FOLR2: variants seen among roughly 807,000 people sequenced by gnomAD.
FOLR2 encodes folate receptor beta.
In FOLR2, 14 loss-of-function variants were observed where a neutral mutation model predicts 20.4. The observed-to-expected ratio is 0.68, with a 90% CI of 0.45 to 1.07. The LOEUF (loss-of-function observed/expected upper bound fraction) is 1.07, where lower values mean the gene tolerates loss of function less well. Ranked by LOEUF, FOLR2 falls within the 50% of genes least tolerant of loss-of-function variation. The pLI, the probability that FOLR2 is intolerant of heterozygous loss-of-function variation, is 0.00. For missense variants in FOLR2, 269 were observed against 322.6 expected (o/e 0.83, Z 1.27); for synonymous variants, 114 against 114.3 (o/e 1.00, Z 0.02).
chr11:72,221,711 G>T lies in FOLR2; in HGVS notation c.717G>T (p.Gly239=), dbSNP rs1948499410. The T allele has an allele frequency of 6.2e-7, 1 of 1,614,022 alleles. No homozygotes were observed. The highest frequency in any genetic ancestry group is 1.3e-5 in the African/African-American group (1 of 75,034). ...VNAGEMLHGT[G]GLLLSLALML... ...CTGGTGAGATGCTTCATGGGACTGG[G>T]GGTCTCCTGCTCAGTCTGGCCCTGA... is the stretch of plus-strand genomic sequence containing the variant. The change falls in exon 5 of 5, where the codon GGG becomes GGT. Residue 239 remains glycine, a synonymous_variant. Transcript: ENST00000298223.
rs1447826119 is a variant in FOLR2, at chr11:72,221,687, T to C, written c.693T>C (p.Ala231=). ...ATGCTGCAGCCATGCATGTGAATGC[T>C]GGTGAGATGCTTCATGGGACTGGGG... The part of the protein sequence containing the change: ...RFYAAAMHVN[A]GEMLHGTGGL... Residue 231 remains alanine, a synonymous_variant, in exon 5 of 5, where the codon GCT becomes GCC. Coordinates refer to ENST00000298223, the MANE Select transcript of FOLR2 (RefSeq NM_000803.5). 1.2e-6 allele frequency: 2 copies of C among 1,614,046 alleles called. No individual in the cohort carries two copies. The highest frequency in any genetic ancestry group is 2.7e-5 in the African/African-American group (2 of 74,916).
In FOLR2 at chr11:72,221,069, TC is replaced by T. The variant is rs773715246; in HGVS notation, c.339+18del. The T allele has an allele frequency of 1.1e-4, 79 of 725,898 alleles. No homozygotes were observed. Among genetic ancestry groups the T allele is most frequent in the Middle Eastern group, 5.8e-4 (2 of 3,436 alleles). The allele number at this position is 725,898 out of a possible 1,614,324, so 45.0% of individuals were successfully genotyped here. A position where few individuals can be genotyped will look rare whatever the true frequency, so the allele number is the denominator to read the frequency against. Reference sequence around the variant, plus strand: ...CCCTGGATCCAGCAGGTAGGGTGTCTCCCCCCCACCCACCCCAGCAGACTGC... The same window carrying T: ...CCCTGGATCCAGCAGGTAGGGTGTCTCCCCCCACCCACCCCAGCAGACTGC... On this transcript the variant is annotated intron_variant, in intron 3 of 4. Coordinates refer to ENST00000298223, the MANE Select transcript of FOLR2 (RefSeq NM_000803.5).
intron 4 of FOLR2, 35 bp downstream of exon 4, chr11:72,221,346 G>C (rs781738335): frequency 6.2e-7 from 1 of 1,607,656 alleles, no homozygotes; most frequent in Non-Finnish European, 8.5e-7. Flanking sequence ...GGAAAAAGGA[G>C]ATTGAGGTAG....
At chr11:72,220,091 C>A (rs1053359751) in intron 2 of FOLR2, among the ~76,000 whole-genome samples, 4 of 152,160 alleles carry the variant, frequency 2.6e-5, no homozygotes, top group African/African-American at 7.2e-5. Context: ...GGTAGACCTG[C>A]CTCGGCCTCC....
In FOLR2 at chr11:72,221,234, G is replaced by A. The variant is rs1306281348; in HGVS notation, c.398G>A (p.Cys133Tyr). 1 of 1,613,828 alleles carries A rather than the reference G, an allele frequency of 6.2e-7. No homozygotes were observed. The highest frequency in any genetic ancestry group is 8.5e-7 in the Non-Finnish European group (1 of 1,179,834). The stretch of plus-strand genomic sequence containing the variant: ...GATGTGCCCTTATGCAAAGAGGACT[G>A]TCAGCGCTGGTGGGAGGATTGTCAC... ...FLDVPLCKED[C>Y]QRWWEDCHTS... is the part of the protein sequence containing the mutation. The change falls in exon 4 of 5, where the codon TGT becomes TAT. Residue 133 changes from cysteine to tyrosine, a missense_variant. Physicochemically the swap from Cys to Tyr is radical, Grantham distance 194 (BLOSUM62 -2). Transcript: ENST00000298223.
intron 2 of FOLR2, among the ~76,000 whole-genome samples, 178 bp downstream of exon 2, chr11:72,218,912 C>T (rs887999722): frequency 2.0e-5 from 3 of 152,144 alleles, no homozygotes; most frequent in African/African-American, 4.8e-5. Flanking sequence ...GGGCCCTCCC[C>T]GGAGGTGGAT....
chr11:72,221,225 AAG>A lies in FOLR2; in HGVS notation c.392_393del (p.Glu131GlyfsTer30). 1 of 1,613,736 alleles carries A rather than the reference AAG, an allele frequency of 6.2e-7. No individual in the cohort carries two copies. Among genetic ancestry groups the A allele is most frequent in the South Asian group, 1.1e-5 (1 of 91,040 alleles). On this transcript the variant is annotated frameshift_variant, in exon 4 of 5. Transcript: ENST00000298223. LOFTEE classifies it high-confidence loss of function. ...CGCTTCCTGGATGTGCCCTTATGCA[AAG>A]AGGACTGTCAGCGCTGGTGGGAGGA...
intron 2 of FOLR2, among the ~76,000 whole-genome samples, chr11:72,220,460 G>C (rs1273078671): frequency 6.6e-6 from 1 of 152,006 alleles, no homozygotes; most frequent in Non-Finnish European, 1.5e-5. Context: ...TGTCTCCTCT[G>C]ACCAGAATGA....
At chr11:72,217,818 T>G (rs1203355169) in intron 1 of FOLR2, among the ~76,000 whole-genome samples, 1 of 152,136 alleles carries the variant, frequency 6.6e-6, no homozygotes, top group African/African-American at 2.4e-5. Context: ...ATATAGTCTT[T>G]TATTCCTCAC....
Position 72,221,069 on chromosome 11 carries a change from T to TGGGGGC in FOLR2, c.339+11_339+12insGGGGGC. 2.8e-6 allele frequency: 2 copies of TGGGGGC among 717,278 alleles called. No homozygotes were observed. The highest frequency in any genetic ancestry group is 4.4e-6 in the Non-Finnish European group (2 of 458,066). 44.4% of individuals were successfully genotyped at this position (717,278 alleles called of 1,614,324 possible). On this transcript the variant is annotated intron_variant, in intron 3 of 4. Coordinates refer to ENST00000298223, the MANE Select transcript of FOLR2 (RefSeq NM_000803.5). Reference sequence around the variant, plus strand: ...CCCTGGATCCAGCAGGTAGGGTGTCTCCCCCCCACCCACCCCAGCAGACTG... The same window carrying TGGGGGC: ...CCCTGGATCCAGCAGGTAGGGTGTCTGGGGGCCCCCCCCACCCACCCCAGCAGACTG...
chr11:72,217,465 G>A (rs1439221210), intron 1 of FOLR2: 1 of 1,060,468 alleles, frequency 9.4e-7, no homozygotes, highest in East Asian at 5.9e-5. Context: ...AGAGGGAGAG[G>A]AAGCAGTATC....
Position 72,218,648 on chromosome 11 carries a change from C to T in FOLR2, c.64C>T (p.Gln22Ter), listed in dbSNP as rs1948433076. ...CTGTGTAGCCACCATGTGCAGTGCC[C>T]AGGACAGGACTGATCTCCTCAATGT... ...LVCVATMCSAQDRTDLLNVCM... is the reference protein window; with the variant it reads ...LVCVATMCSA Residue 22 changes from glutamine to a stop codon, truncating the protein, a stop_gained, in exon 2 of 5, where the codon CAG becomes TAG. Transcript: ENST00000298223. LOFTEE classifies it high-confidence loss of function. The T allele has an allele frequency of 6.2e-7, 1 of 1,613,068 alleles. No individual in the cohort carries two copies. Among genetic ancestry groups the T allele is most frequent in the Non-Finnish European group, 8.5e-7 (1 of 1,179,542 alleles).
intron 2 of FOLR2, among the ~76,000 whole-genome samples, chr11:72,219,883 T>G (rs2135402423): frequency 6.6e-6 from 1 of 151,720 alleles, no homozygotes; most frequent in East Asian, 1.9e-4. Flanking sequence ...AGTCTCACTC[T>G]GTTGCCCAGG....
rs371396761 is a variant in FOLR2 at position 72,221,191 on chromosome 11, C to T, written c.355C>T (p.Arg119Cys). ...TCCCACCCAGGTGAATCAGAGCTGG[C>T]GCAAAGAACGCTTCCTGGATGTGCC... The part of the protein sequence containing the change: ...PWIQQVNQSW[R>C]KERFLDVPLC... The change falls in exon 4 of 5, where the codon CGC becomes TGC. Residue 119 changes from arginine (R) to cysteine (C), a missense_variant. Transcript: ENST00000298223. The T allele has an allele frequency of 3.9e-5, 63 of 1,612,238 alleles. No homozygotes were observed. The highest frequency in any genetic ancestry group is 5.0e-5 in the Admixed American group (3 of 59,704).
Position 72,221,002 on chromosome 11 carries a change from A to G in FOLR2, c.283A>G (p.Ile95Val). 4 of 1,613,916 alleles carry G rather than the reference A, an allele frequency of 2.5e-6. No homozygotes were observed. The highest frequency in any genetic ancestry group is 3.4e-6 in the Non-Finnish European group (4 of 1,179,872). The change falls in exon 3 of 5, where the codon ATC (isoleucine) becomes GTC (valine). Residue 95 changes from isoleucine (I) to valine (V), a missense_variant. Transcript: ENST00000298223. ...GGAGCCCGCCTGCAAGCGCCACTTCATCCAGGACACCTGTCTCTATGAGTG... is the reference window on the plus strand; with the variant it reads ...GGAGCCCGCCTGCAAGCGCCACTTCGTCCAGGACACCTGTCTCTATGAGTG... The part of the protein sequence containing the change: ...KMEPACKRHF[I>V]QDTCLYECSP...
Position 72,221,061 on chromosome 11 carries a change from A to G in FOLR2, c.339+3A>G, listed in dbSNP as rs780220815. On this transcript the variant is annotated splice_donor_region_variant and intron_variant, in intron 3 of 4. Transcript: ENST00000298223. ...ACCTGGGGCCCTGGATCCAGCAGGTAGGGTGTCTCCCCCCCACCCACCCCA... is the reference window on the plus strand; with the variant it reads ...ACCTGGGGCCCTGGATCCAGCAGGTGGGGTGTCTCCCCCCCACCCACCCCA... 3.4e-5 allele frequency: 55 copies of G among 1,605,452 alleles called. No homozygotes were observed. Among genetic ancestry groups the G allele is most frequent in the Middle Eastern group, 3.3e-4 (2 of 6,042 alleles).
chr11:72,219,669 T>G (rs1049121415), intron 2 of FOLR2, among the ~76,000 whole-genome samples: 7 of 152,198 alleles, frequency 4.6e-5, no homozygotes, highest in African/African-American at 9.7e-5. Context: ...GCAATGTTGC[T>G]GTTGATGTCA....
intron 2 of FOLR2, among the ~76,000 whole-genome samples, chr11:72,220,223 G>T (rs1269711476): frequency 1.3e-5 from 2 of 152,210 alleles, no homozygotes; most frequent in Non-Finnish European, 2.9e-5. Flanking sequence ...TGGGGACACA[G>T]ATCTTACTAC....
At chr11:72,221,435 C>A (rs1366589287) in intron 4 of FOLR2, 35 bp from the exon 5 acceptor site, 3 of 1,603,984 alleles carry the variant, frequency 1.9e-6, no homozygotes, top group African/African-American at 2.7e-5. Context: ...GGCCCAGGGG[C>A]TGAAAGTCTG....
Sources: gnomAD v4.1 joint callset for allele counts (sites outside exome capture counted in the v4.1 genomes callset) on GRCh38, gnomAD v4.1.1 for gene constraint, MANE v1.5 for transcripts, NCBI Gene and HGNC (gene_info 2026-07-23, HGNC 2026-07-21) for gene names.